HMGN5: variants seen among roughly 807,000 people sequenced by gnomAD.
The protein encoded by HMGN5 is high mobility group nucleosome binding domain 5.
Under a neutral mutation model 9.5 loss-of-function variants are expected in HMGN5, and 4 were observed. The ratio of observed to expected loss-of-function variants is 0.42; its 90% CI spans 0.21 to 0.96. HMGN5 has a LOEUF of 0.96. Ranked by LOEUF, HMGN5 falls within the 40% of genes least tolerant of loss-of-function variation. The pLI is 0.30. For synonymous variants in HMGN5, 55 were observed against 57.1 expected, an observed-to-expected ratio of 0.96 and a Z score of 0.16; for missense variants, 192 against 187.5, an observed-to-expected ratio of 1.02 and a Z score of -0.14.
chrX:81,197,222 A>C (rs768973081), intron 1 of HMGN5, among the ~76,000 whole-genome samples: 1 of 112,605 alleles, frequency 8.9e-6, no homozygotes, highest in African/African-American at 3.2e-5. Flanking sequence ...CTCGACAGTG[A>C]TTTCTCTGCA....
intron 1 of HMGN5, among the ~76,000 whole-genome samples, chrX:81,134,835 T>A (rs1356540851): frequency 9.0e-6 from 1 of 111,371 alleles, no homozygotes; most frequent in East Asian, 2.8e-4. Flanking sequence ...GGTCACCTGA[T>A]TTTCAACAAA....
rs775180136 is a variant in HMGN5, at chrX:81,121,598, G to A, written c.-49C>T. ...CTTAGTCAGCAGAAAAAAAGCCGAA[G>A]GCAGTCACTGCCTGACTGCTCCAAG... On this transcript the variant is annotated 5_prime_UTR_variant, in exon 2 of 7. Coordinates refer to ENST00000358130, the MANE Select transcript of HMGN5 (RefSeq NM_030763.3). The A allele has an allele frequency of 5.8e-6, 6 of 1,042,275 alleles. No individual in the cohort carries two copies. The South Asian group carries it at 1.1e-4, about 19-fold the overall frequency. 85.9% of individuals were successfully genotyped at this position (1,042,275 alleles called of 1,213,427 possible). A position where few individuals can be genotyped will look rare whatever the true frequency, so the allele number is the denominator to read the frequency against.
At chrX:81,124,740 T>A (rs192195738) in intron 1 of HMGN5, among the ~76,000 whole-genome samples, 95 of 112,177 alleles carry the variant, frequency 8.5e-4, no homozygotes, top group Non-Finnish European at 1.3e-3. Flanking sequence ...TGAGACTTTT[T>A]ACTGGACTAT....
chrX:81,161,303 A>G (rs1437084650), intron 1 of HMGN5, among the ~76,000 whole-genome samples: 1 of 110,991 alleles, frequency 9.0e-6, no homozygotes, highest in Admixed American at 9.6e-5. Flanking sequence ...TGGCCCAACT[A>G]ATGGCTAGCA....
chrX:81,200,808 T>A (rs979733715), intron 1 of HMGN5, among the ~76,000 whole-genome samples: 1 of 111,604 alleles, frequency 9.0e-6, no homozygotes, highest in African/African-American at 3.3e-5. Context: ...TATACCTATG[T>A]AACAAACCTG....
At chrX:81,184,356 C>T (rs2075471183) in intron 1 of HMGN5, among the ~76,000 whole-genome samples, 1 of 111,688 alleles carries the variant, frequency 9.0e-6, no homozygotes. Context: ...TTGAAAGTTT[C>T]CTGAGACCTT....
chrX:81,130,221 G>C (rs1196834881), intron 1 of HMGN5, among the ~76,000 whole-genome samples: 1 of 110,643 alleles, frequency 9.0e-6, no homozygotes, highest in Non-Finnish European at 1.9e-5. Flanking sequence ...AAGTAAGAGG[G>C]GAGAACTGGA....
intron 1 of HMGN5, among the ~76,000 whole-genome samples, chrX:81,134,347 A>G (rs2075305903): frequency 9.0e-6 from 1 of 111,477 alleles, no homozygotes; most frequent in Admixed American, 9.6e-5. Context: ...TTCTTTAATT[A>G]CTTAATTATT....
chrX:81,163,927 G>A (rs995327904), intron 1 of HMGN5, among the ~76,000 whole-genome samples: 21 of 111,258 alleles, frequency 1.9e-4, no homozygotes, highest in African/African-American at 6.5e-4. Context: ...GGCAGTCAGG[G>A]GCATGGCAAA....
chrX:81,121,349 A>T (rs1569340738), intron 2 of HMGN5, among the ~76,000 whole-genome samples, 186 bp downstream of exon 2: 1 of 111,744 alleles, frequency 8.9e-6, no homozygotes, highest in East Asian at 2.8e-4. Flanking sequence ...TACCAGTTGC[A>T]TGCAAGACCA....
rs1217267749 is a variant in HMGN5 at position 81,192,614 on chromosome X, T to C, written c.-124+9123A>G. ...TGCATCTCTTAGCTATAATCTTTTT[T>C]ATTTTACCCGAAATACATTCTTTAG... On this transcript the variant is annotated intron_variant, in intron 1 of 6. Coordinates refer to ENST00000358130, the MANE Select transcript of HMGN5 (RefSeq NM_030763.3). Among the ~76,000 whole-genome samples, 3 of 112,228 alleles carry C rather than the reference T, an allele frequency of 2.7e-5. No individual in the cohort carries two copies. In the Admixed American group the frequency reaches 2.8e-4, roughly 11 times the overall value.
rs750752390 is a variant in HMGN5, at chrX:81,121,542, T to C, written c.8A>G (p.Lys3Arg). 8.3e-7 allele frequency: 1 copy of C among 1,202,466 alleles called. No individual in the cohort carries two copies. Among genetic ancestry groups the C allele is most frequent in the South Asian group, 1.8e-5 (1 of 55,848 alleles). Reference sequence around the variant, plus strand: ...TCTTTCCATTTCACTTACCTTTCTTTTGGGCATTGTTGTAGCTCTCTATAG... The same window carrying C: ...TCTTTCCATTTCACTTACCTTTCTTCTGGGCATTGTTGTAGCTCTCTATAG... MP[K>R]RKAAGQGDMR... Residue 3 changes from lysine (K) to arginine (R), a missense_variant, in exon 2 of 7, where the codon AAA becomes AGA. Coordinates refer to ENST00000358130, the MANE Select transcript of HMGN5 (RefSeq NM_030763.3).
At chrX:81,177,367 CAAAAAAAAAAAAA>C (rs148090852) in intron 1 of HMGN5, among the ~76,000 whole-genome samples, 452 of 10,665 alleles carry the variant, frequency 0.042, 4 homozygotes, top group African/African-American at 0.13. Flanking sequence ...AAATGGAAAG[CAAAAAAAAAAAAA>C]AAAAAAAAAA....
Position 81,114,723 on chromosome X carries a change from C to A in HMGN5, c.775G>T (p.Glu259Ter), listed in dbSNP as rs1188722613. 8 of 1,158,747 alleles carry A rather than the reference C, an allele frequency of 6.9e-6. No homozygotes were observed. Among genetic ancestry groups the A allele is most frequent in the Non-Finnish European group, 9.2e-6 (8 of 870,274 alleles). The change falls in exon 7 of 7, where the codon GAG (glutamate) becomes TAG (stop). Residue 259 changes from glutamate to a stop codon, truncating the protein, a stop_gained. Transcript: ENST00000358130. LOFTEE classifies it low-confidence loss of function (END_TRUNC). ...TCATCTTCCTCTTTTCCTTCTTCCT[C>A]TTCTTTTAAATCTTCTTTCTCTTTT... ...AGKEKEDLKE[E>*]EEGKEEDEIK...
chrX:81,151,305 A>G (rs1333504775), intron 1 of HMGN5, among the ~76,000 whole-genome samples: 1 of 111,501 alleles, frequency 9.0e-6, no homozygotes, highest in Non-Finnish European at 1.9e-5. Flanking sequence ...CCATTGATCT[A>G]TATCTCTGTT....
chrX:81,153,046 A>G (rs1432891396), intron 1 of HMGN5, among the ~76,000 whole-genome samples: 2 of 105,608 alleles, frequency 1.9e-5, no homozygotes, highest in Admixed American at 1.0e-4. Context: ...CCTAATGCTA[A>G]AGGACGAGTT....
chrX:81,165,774 A>T (rs2075409409), intron 1 of HMGN5, among the ~76,000 whole-genome samples: 1 of 111,723 alleles, frequency 9.0e-6, no homozygotes, highest in African/African-American at 3.2e-5. Flanking sequence ...AAACGTCAGG[A>T]TCAGCCATGG....
At chrX:81,149,346 G>T (rs1166810578) in intron 1 of HMGN5, among the ~76,000 whole-genome samples, 1 of 111,434 alleles carries the variant, frequency 9.0e-6, no homozygotes, top group African/African-American at 3.3e-5. Context: ...GATGAAGCTG[G>T]AAAACATCAT....
chrX:81,133,912 T>C (rs1041984672), intron 1 of HMGN5, among the ~76,000 whole-genome samples: 1 of 111,706 alleles, frequency 9.0e-6, no homozygotes, highest in Non-Finnish European at 1.9e-5. Flanking sequence ...TAGGTTTTTG[T>C]TAGCAATTAC....
Sources: gnomAD v4.1 joint callset for allele counts (sites outside exome capture counted in the v4.1 genomes callset) on GRCh38, gnomAD v4.1.1 for gene constraint, MANE v1.5 for transcripts, NCBI Gene and HGNC (gene_info 2026-07-23, HGNC 2026-07-21) for gene names.